Variants in MMP9 observed in about 807,000 individuals in gnomAD.
The protein encoded by MMP9 is matrix metallopeptidase 9.
MMP9 carries 73 observed loss-of-function variants against 76.4 expected under a neutral mutation model. The observed-to-expected ratio is 0.96, with a 90% CI of 0.79 to 1.16. The LOEUF is 1.16. MMP9 is among the 50% of genes most tolerant of loss of function. MMP9 has a pLI of 0.00. For missense variants in MMP9, 943 were observed against 973.0 expected (o/e 0.97, Z 0.41); for synonymous variants, 412 against 408.4 (o/e 1.01, Z -0.11).
At chr20:46,011,842 A>G (rs2084281995) in intron 6 of MMP9, 95 bp downstream of exon 6, 3 of 1,442,180 alleles carry the variant, frequency 2.1e-6, no homozygotes, top group Non-Finnish European at 2.8e-6. Context: ...TTGTCTTTCC[A>G]CTCTCATTGG....
At position 46,013,194 on chromosome 20, in the gene MMP9, TG is replaced by T; in HGVS notation, c.1331-60del. On this transcript the variant is annotated intron_variant, in intron 8 of 12. Transcript: ENST00000372330. This position sits in a 1 kb window ranked among gnomAD's most constrained non-coding sequence, Gnocchi z 4.5. ...TCACTGAGAAGCTTAGGGGAGCAGA[TG>T]TTCTAGGGGTACAGAGGTATGCAGG... The T allele has an allele frequency of 6.2e-7, 1 of 1,602,700 alleles. No individual in the cohort carries two copies. The highest frequency in any genetic ancestry group is 8.5e-7 in the Non-Finnish European group (1 of 1,170,086).
rs763806968 is a variant in MMP9 at position 46,010,332 on chromosome 20, A to AACAAACAAAC, written c.372-150_372-149insCAAACAAACA. On this transcript the variant is annotated intron_variant, in intron 2 of 12. Coordinates refer to ENST00000372330, the MANE Select transcript of MMP9 (RefSeq NM_004994.3). ...AGGGTCTAAGTAGACAAAAAAAAAA[A>AACAAACAAAC]AAAAAAAAACAGTCTGGAAGCAATT... 301 of 773,042 alleles carry AACAAACAAAC rather than the reference A, an allele frequency of 3.9e-4. 6 individuals carry two copies. The highest frequency in any genetic ancestry group is 6.2e-4 in the South Asian group (35 of 56,172). The allele number at this position is 773,042 out of a possible 1,614,324, so 47.9% of individuals were successfully genotyped here. A position where few individuals can be genotyped will look rare whatever the true frequency, so the allele number is the denominator to read the frequency against.
intron 1 of MMP9, among the ~76,000 whole-genome samples, chr20:46,009,514 T>A (rs920582006): frequency 1.2e-4 from 19 of 152,076 alleles, no homozygotes; most frequent in African/African-American, 4.6e-4. Flanking sequence ...CTGCTGGGCA[T>A]GACGGCTCAC....
chr20:46,010,369 G>C (rs1164529627), intron 2 of MMP9, 114 bp from the exon 3 acceptor site: 19 of 913,606 alleles, frequency 2.1e-5, no homozygotes, highest in Non-Finnish European at 2.9e-5. Flanking sequence ...ATAGATGAGA[G>C]CGTGGACGGC....
Position 46,013,334 on chromosome 20 carries a change from C to G in MMP9, c.1410C>G (p.Thr470=). 2 of 1,613,568 alleles carry G rather than the reference C, an allele frequency of 1.2e-6. No homozygotes were observed. Among genetic ancestry groups the G allele is most frequent in the Non-Finnish European group, 8.5e-7 (1 of 1,179,746 alleles). ...QPTAPPTVCP[T]GPPTVHPSER... is the part of the protein sequence containing the mutation. ...CGGCTCCCCCGACGGTCTGCCCCAC[C>G]GGACCCCCCACTGTCCACCCCTCAG... Residue 470 remains threonine (T), a synonymous_variant, in exon 9 of 13, where the codon ACC becomes ACG. Transcript: ENST00000372330. This position sits in a 1 kb window ranked among gnomAD's most constrained non-coding sequence, Gnocchi z 4.5.
Position 46,016,526 on chromosome 20 carries a change from G to A in MMP9, c.*158G>A. ...CTCTTCTCACCTTTGTTTTTTGTTG[G>A]AGTGTTTCTAATAAACTTGGATTCT... is the stretch of plus-strand genomic sequence containing the variant. On this transcript the variant is annotated 3_prime_UTR_variant, in exon 13 of 13. Transcript: ENST00000372330. The A allele has an allele frequency of 4.4e-6, 3 of 681,950 alleles. No homozygotes were observed. The highest frequency in any genetic ancestry group is 8.0e-6 in the Non-Finnish European group (3 of 374,966). The allele number at this position is 681,950 out of a possible 1,614,324, so 42.2% of individuals were successfully genotyped here.
Position 46,010,962 on chromosome 20 carries a change from C to T in MMP9, c.561C>T (p.Leu187=), listed in dbSNP as rs753687602. The change falls in exon 4 of 13, where the codon CTC becomes CTT. Residue 187 remains leucine (L), a synonymous_variant. Transcript: ENST00000372330. ...DGYPFDGKDG[L]LAHAFPPGPG... ...ATCCCTTCGACGGGAAGGACGGGCT[C>T]CTGGCACACGCCTTTCCTCCTGGCC... The T allele has an allele frequency of 3.1e-6, 5 of 1,614,256 alleles. No homozygotes were observed. Among genetic ancestry groups the T allele is most frequent in the South Asian group, 1.1e-5 (1 of 91,086 alleles).
rs566146326 is a variant in MMP9, at chr20:46,013,415, C to G, written c.1491C>G (p.Pro497=). 6.2e-7 allele frequency: 1 copy of G among 1,613,914 alleles called. No homozygotes were observed. The highest frequency in any genetic ancestry group is 1.3e-5 in the African/African-American group (1 of 75,030). Residue 497 remains proline, a synonymous_variant, in exon 9 of 13, where the codon CCC becomes CCG. Coordinates refer to ENST00000372330, the MANE Select transcript of MMP9 (RefSeq NM_004994.3). The surrounding 1 kb of genome is among the most constrained non-coding windows in gnomAD (Gnocchi z 4.5). ...GPPSAGPTGP[P]TAGPSTATTV... is the part of the protein sequence containing the mutation. ...CCTCAGCTGGCCCCACAGGTCCCCC[C>G]ACTGCTGGCCCTTCTACGGCCACTA...
At position 46,014,108 on chromosome 20, in the gene MMP9, C is replaced by G. The variant is rs200100975; in HGVS notation, c.1751-16C>G. ...CCTCTGCGCCCCCAAACCGACGTGA[C>G]CCTCCTCCCCTGCAGGGCGCCAGGT... On this transcript the variant is annotated splice_polypyrimidine_tract_variant and intron_variant, in intron 10 of 12. Coordinates refer to ENST00000372330, the MANE Select transcript of MMP9 (RefSeq NM_004994.3). The G allele has an allele frequency of 6.5e-7, 1 of 1,534,558 alleles. No homozygotes were observed. The highest frequency in any genetic ancestry group is 2.0e-5 in the Admixed American group (1 of 50,998).
rs2084280542 is a variant in MMP9 at position 46,011,705 on chromosome 20, A to T, written c.955A>T (p.Asn319Tyr). ...DGYRWCATTA[N>Y]YDRDKLFGFC... ...CTACCGCTGGTGCGCCACCACCGCC[A>T]ACTACGACCGGGACAAGCTCTTCGG... Residue 319 changes from asparagine (N) to tyrosine (Y), a missense_variant, in exon 6 of 13, where the codon AAC becomes TAC. Physicochemically the swap from Asn to Tyr is moderately radical, Grantham distance 143 (BLOSUM62 -2). Transcript: ENST00000372330. 1.9e-6 allele frequency: 3 copies of T among 1,613,786 alleles called. No individual in the cohort carries two copies. The East Asian group carries it at 6.7e-5, about 36-fold the overall frequency.
chr20:46,014,044 G>A lies in MMP9; in HGVS notation c.1751-80G>A, dbSNP rs1334360282. On this transcript the variant is annotated intron_variant, in intron 10 of 12. Coordinates refer to ENST00000372330, the MANE Select transcript of MMP9 (RefSeq NM_004994.3). ...GGGCACGCGGGCTAGGAAAGGCCTC[G>A]CCGGAATCTCCCTCCTCGCGTTCTA... is the stretch of plus-strand genomic sequence containing the variant. The A allele has an allele frequency of 5.2e-6, 8 of 1,524,922 alleles. No individual in the cohort carries two copies. The East Asian group carries it at 1.7e-4, about 33-fold the overall frequency. 94.5% of individuals were successfully genotyped at this position (1,524,922 alleles called of 1,614,324 possible). A position where few individuals can be genotyped will look rare whatever the true frequency, so the allele number is the denominator to read the frequency against.
In MMP9 at chr20:46,009,046, C is replaced by A. The variant is rs139837207; in HGVS notation, c.120C>A (p.Thr40=). 6.2e-7 allele frequency: 1 copy of A among 1,613,750 alleles called. No homozygotes were observed. The highest frequency in any genetic ancestry group is 8.5e-7 in the Non-Finnish European group (1 of 1,179,884). The change falls in exon 1 of 13, where the codon ACC becomes ACA. Residue 40 remains threonine, a synonymous_variant. Coordinates refer to ENST00000372330, the MANE Select transcript of MMP9 (RefSeq NM_004994.3). ...LFPGDLRTNL[T]DRQLAEEYLY... is the part of the protein sequence containing the mutation. ...CTGGAGACCTGAGAACCAATCTCAC[C>A]GACAGGCAGCTGGCAGAGGTGGGCA...
rs200507335 is a variant in MMP9, at chr20:46,011,208, C to A, written c.715C>A (p.Arg239Ser). 17 of 1,613,934 alleles carry A rather than the reference C, an allele frequency of 1.1e-5. No homozygotes were observed. Among genetic ancestry groups the A allele is most frequent in the Non-Finnish European group, 1.4e-5 (17 of 1,180,056 alleles). Reference sequence around the variant, plus strand: ...CCACTTCCCCTTCATCTTCGAGGGCCGCTCCTACTCTGCCTGCACCACCGA... The same window carrying A: ...CCACTTCCCCTTCATCTTCGAGGGCAGCTCCTACTCTGCCTGCACCACCGA... ...ACHFPFIFEGRSYSACTTDGR... is the reference protein window; with the variant it reads ...ACHFPFIFEGSSYSACTTDGR... The change falls in exon 5 of 13, where the codon CGC becomes AGC. Residue 239 changes from arginine (R) to serine (S), a missense_variant. By Grantham distance (110) the Arg-to-Ser change is moderately radical. Coordinates refer to ENST00000372330, the MANE Select transcript of MMP9 (RefSeq NM_004994.3).
chr20:46,011,658 C>T lies in MMP9; in HGVS notation c.908C>T (p.Thr303Ile). 1 of 1,614,154 alleles carries T rather than the reference C, an allele frequency of 6.2e-7. No individual in the cohort carries two copies. Among genetic ancestry groups the T allele is most frequent in the East Asian group, 2.2e-5 (1 of 44,872 alleles). ...CAAGGCCAATCCTACTCCGCCTGCA[C>T]CACGGACGGTCGCTCCGACGGCTAC... ...IFQGQSYSAC[T>I]TDGRSDGYRW... The change falls in exon 6 of 13, where the codon ACC becomes ATC. Residue 303 changes from threonine to isoleucine, a missense_variant. Thr to Ile is a moderately conservative substitution (Grantham distance 89, BLOSUM62 -1). Coordinates refer to ENST00000372330, the MANE Select transcript of MMP9 (RefSeq NM_004994.3).
At chr20:46,011,470 G>A in intron 5 of MMP9, 104 bp from the exon 6 acceptor site, 2 of 1,572,696 alleles carry the variant, frequency 1.3e-6, no homozygotes. Flanking sequence ...ATGAGAGATG[G>A]GATGAACTGC....
At position 46,009,081 on chromosome 20, in the gene MMP9, T is replaced by C; in HGVS notation, c.138+17T>C. ...CTGGCAGAGGTGGGCAAACACCTAGTCTAGAGTTGGGGAGGGCTGTCCGTG... is the reference window on the plus strand; with the variant it reads ...CTGGCAGAGGTGGGCAAACACCTAGCCTAGAGTTGGGGAGGGCTGTCCGTG... On this transcript the variant is annotated intron_variant, in intron 1 of 12. Coordinates refer to ENST00000372330, the MANE Select transcript of MMP9 (RefSeq NM_004994.3). 1 of 1,612,228 alleles carries C rather than the reference T, an allele frequency of 6.2e-7. No homozygotes were observed. The highest frequency in any genetic ancestry group is 1.1e-5 in the South Asian group (1 of 90,776).
chr20:46,014,245 G>A lies in MMP9; in HGVS notation c.1872G>A (p.Met624Ile), dbSNP rs1300400001. Residue 624 changes from methionine to isoleucine, a missense_variant, in exon 11 of 13, where the codon ATG (methionine) becomes ATA (isoleucine). Met to Ile is a conservative substitution (Grantham distance 10). Transcript: ENST00000372330. ...CCCTCCGGAGTGGCAGGGGGAAGAT[G>A]CTGCTGTTCAGCGGGCGGCGCCTCT... is the stretch of plus-strand genomic sequence containing the variant. ...TGALRSGRGKMLLFSGRRLWR... is the reference protein window; with the variant it reads ...TGALRSGRGKILLFSGRRLWR... 6.5e-6 allele frequency: 10 copies of A among 1,530,984 alleles called. No homozygotes were observed. The highest frequency in any genetic ancestry group is 2.5e-5 in the East Asian group (1 of 40,702). 94.8% of individuals were successfully genotyped at this position (1,530,984 alleles called of 1,614,324 possible). A position where few individuals can be genotyped will look rare whatever the true frequency, so the allele number is the denominator to read the frequency against.
intron 12 of MMP9, among the ~76,000 whole-genome samples, chr20:46,015,291 G>A (rs3918264): frequency 0.015 from 2,275 of 152,230 alleles, 36 homozygotes; most frequent in African/African-American, 0.04. Context: ...CCTCTGTCTG[G>A]AAAGCTTCCC....
At chr20:46,009,541 C>G (rs929329553) in intron 1 of MMP9, among the ~76,000 whole-genome samples, 1 of 152,050 alleles carries the variant, frequency 6.6e-6, no homozygotes, top group Admixed American at 6.6e-5. Flanking sequence ...AATCCCAGCA[C>G]TTTGGGAGGC....
Sources: allele counts gnomAD v4.1 joint callset (sites outside exome capture counted in the v4.1 genomes callset), GRCh38; gene constraint gnomAD v4.1.1; non-coding constraint Gnocchi (gnomAD v3.1); transcripts MANE v1.5; gene names NCBI Gene and HGNC (gene_info 2026-07-23, HGNC 2026-07-21).